PLGRKT: variants seen among roughly 807,000 people sequenced by gnomAD.
PLGRKT encodes the protein plasminogen receptor (KT).
Under a neutral mutation model 18.5 loss-of-function variants are expected in PLGRKT, and 22 were observed. The ratio of observed to expected loss-of-function variants is 1.19; its 90% CI spans 0.85 to 1.70. PLGRKT has a LOEUF of 1.70. PLGRKT is among the 40% of genes most tolerant of loss of function. The probability of loss-of-function intolerance (pLI) is 0.00; values close to 1 mark genes in which losing one functional copy is unlikely to be tolerated. For synonymous variants in PLGRKT, 72 were observed against 52.8 expected (o/e 1.36, Z -1.58); for missense variants, 235 against 174.4 (o/e 1.35, Z -1.96).
intron 3 of PLGRKT, among the ~76,000 whole-genome samples, chr9:5,364,045 T>C (rs1304198432): frequency 6.6e-6 from 1 of 152,170 alleles, no homozygotes; most frequent in East Asian, 1.9e-4. Flanking sequence ...TGTGTTTTTA[T>C]CAAAAGGCAG....
At chr9:5,398,389 G>A (rs4008399) in intron 3 of PLGRKT, among the ~76,000 whole-genome samples, 19 of 151,850 alleles carry the variant, frequency 1.3e-4, no homozygotes, top group South Asian at 4.2e-4. Flanking sequence ...AATGACAACC[G>A]ATCCAAGGAG....
chr9:5,362,257 C>T (rs1175035928), intron 3 of PLGRKT, among the ~76,000 whole-genome samples: 1 of 152,182 alleles, frequency 6.6e-6, no homozygotes, highest in Non-Finnish European at 1.5e-5. Context: ...TTTATTTCTA[C>T]TTGCATGGAA....
rs188393286 is a variant in PLGRKT at position 5,385,715 on chromosome 9, G to C, written c.82-23827C>G. On this transcript the variant is annotated intron_variant, in intron 3 of 5. Transcript: ENST00000223864. ...AGAGGATGGTGGAAAGGAAAGGAAA[G>C]CAGCCAAAATTTGTGGTCTATTTTT... 2.5e-3 allele frequency among the ~76,000 whole-genome samples: 376 copies of C among 151,902 alleles called. 2 individuals are homozygous for C. Among genetic ancestry groups the C allele is most frequent in the South Asian group, 6.4e-3 (31 of 4,820 alleles).
chr9:5,417,805 C>CA (rs1334728056), intron 3 of PLGRKT, among the ~76,000 whole-genome samples: 30 of 142,284 alleles, frequency 2.1e-4, no homozygotes, highest in South Asian at 1.3e-3. Context: ...AATATTTTCT[C>CA]AAAAAAAAAC....
At chr9:5,410,661 G>A (rs1386603450) in intron 3 of PLGRKT, among the ~76,000 whole-genome samples, 2 of 152,132 alleles carry the variant, frequency 1.3e-5, no homozygotes, top group East Asian at 1.9e-4. Context: ...GAATTAATTT[G>A]TTCATACTGA....
rs78213004 is a variant in PLGRKT, at chr9:5,375,279, T to C, written c.82-13391A>G. Among the ~76,000 whole-genome samples the C allele has an allele frequency of 3.9e-5, 6 of 152,278 alleles. No homozygotes were observed. The East Asian group carries it at 7.7e-4, about 20-fold the overall frequency. Reference sequence around the variant, plus strand: ...GACATGCGAGCTAAGATATGAAGTGTTGAAAACAATAGTGGTTCATTATGG... The same window carrying C: ...GACATGCGAGCTAAGATATGAAGTGCTGAAAACAATAGTGGTTCATTATGG... On this transcript the variant is annotated intron_variant, in intron 3 of 5. Coordinates refer to ENST00000223864, the MANE Select transcript of PLGRKT (RefSeq NM_018465.4).
intron 3 of PLGRKT, among the ~76,000 whole-genome samples, chr9:5,378,142 G>T (rs764698265): frequency 6.6e-6 from 1 of 152,114 alleles, no homozygotes; most frequent in African/African-American, 2.4e-5. Flanking sequence ...TCATACATTT[G>T]AACAGGCAAC....
In PLGRKT at chr9:5,358,044, A is replaced by C; in HGVS notation, c.*195T>G. 1 of 441,638 alleles carries C rather than the reference A, an allele frequency of 2.3e-6. No individual in the cohort carries two copies. Among genetic ancestry groups the C allele is most frequent in the South Asian group, 4.5e-5 (1 of 22,172 alleles). The allele number at this position is 441,638 out of a possible 1,614,324, so 27.4% of individuals were successfully genotyped here. A position where few individuals can be genotyped will look rare whatever the true frequency, so the allele number is the denominator to read the frequency against. On this transcript the variant is annotated 3_prime_UTR_variant, in exon 6 of 6. Coordinates refer to ENST00000223864, the MANE Select transcript of PLGRKT (RefSeq NM_018465.4). ...ATGCACACAGAGAGAGGAAATCTAA[A>C]AGTTATTTAGAGCACCTCCATGATT...
At chr9:5,436,233 A>G (rs1235723255) in intron 2 of PLGRKT, among the ~76,000 whole-genome samples, 1 of 152,206 alleles carries the variant, frequency 6.6e-6, no homozygotes, top group African/African-American at 2.4e-5. Context: ...GCGAGATATT[A>G]TCCATCTTGA....
chr9:5,371,099 G>A (rs1202828959), intron 3 of PLGRKT, among the ~76,000 whole-genome samples: 1 of 152,140 alleles, frequency 6.6e-6, no homozygotes, highest in Non-Finnish European at 1.5e-5. Flanking sequence ...ACGCGTACAT[G>A]TAACATCTTA....
intron 3 of PLGRKT, among the ~76,000 whole-genome samples, chr9:5,389,491 T>G (rs1347617015): frequency 1.3e-5 from 2 of 151,886 alleles, no homozygotes; most frequent in Admixed American, 6.5e-5. Flanking sequence ...GCCATGTGCT[T>G]TGAGGGGATC....
At chr9:5,367,020 TACACACACATACACACACACACACACAC>T (rs973297747) in intron 3 of PLGRKT, among the ~76,000 whole-genome samples, 1 of 58,162 alleles carries the variant, frequency 1.7e-5, no homozygotes, top group Non-Finnish European at 3.7e-5. Context: ...GACAGACAGA[TACACACACATACACACACACACACACAC>T]ACACACACAC....
intron 3 of PLGRKT, among the ~76,000 whole-genome samples, chr9:5,424,672 A>ATATATATATATG (rs1818656632): frequency 1.4e-5 from 1 of 70,962 alleles, no homozygotes; most frequent in African/African-American, 5.9e-5. Context: ...TATATTTTAT[A>ATATATATATATG]TATATATATA....
chr9:5,381,884 T>G, intron 3 of PLGRKT: 8 of 984,970 alleles, frequency 8.1e-6, no homozygotes, highest in Non-Finnish European at 9.6e-6. Flanking sequence ...ATCCTTAAGT[T>G]GTACCAAATC....
At chr9:5,378,822 A>C (rs1370008306) in intron 3 of PLGRKT, among the ~76,000 whole-genome samples, 2 of 152,186 alleles carry the variant, frequency 1.3e-5, no homozygotes, top group African/African-American at 4.8e-5. Flanking sequence ...ATACAGGTTA[A>C]ATTGGAAAAA....
chr9:5,360,801 TTTA>T (rs1817245834), intron 5 of PLGRKT, among the ~76,000 whole-genome samples: 1 of 152,238 alleles, frequency 6.6e-6, no homozygotes, highest in South Asian at 2.1e-4. Flanking sequence ...TTTGCTGTAA[TTTA>T]TTTATTGCAA....
At chr9:5,423,934 T>TTA (rs1403716722) in intron 3 of PLGRKT, among the ~76,000 whole-genome samples, 1 of 144,580 alleles carries the variant, frequency 6.9e-6, no homozygotes, top group South Asian at 2.1e-4. Flanking sequence ...CTGTTATATA[T>TTA]TATATATAGT....
chr9:5,430,951 G>A (rs753380506), intron 3 of PLGRKT, among the ~76,000 whole-genome samples: 1 of 152,172 alleles, frequency 6.6e-6, no homozygotes, highest in Non-Finnish European at 1.5e-5. Flanking sequence ...CAATGTTAAG[G>A]TTTCACACTC....
At chr9:5,422,229 T>C (rs994521905) in intron 3 of PLGRKT, among the ~76,000 whole-genome samples, 3 of 152,156 alleles carry the variant, frequency 2.0e-5, no homozygotes, top group African/African-American at 7.2e-5. Flanking sequence ...GGGAAACTTA[T>C]AATGGGTAGA....
Sources: allele counts gnomAD v4.1 joint callset (sites outside exome capture counted in the v4.1 genomes callset), GRCh38; gene constraint gnomAD v4.1.1; transcripts MANE v1.5; gene names NCBI Gene and HGNC (gene_info 2026-07-23, HGNC 2026-07-21).